TMEM178B: variants seen among roughly 807,000 people sequenced by gnomAD.
The protein encoded by TMEM178B is transmembrane protein 178B.
TMEM178B carries 5 observed loss-of-function variants against 31.0 expected under a neutral mutation model. The ratio of observed to expected loss-of-function variants is 0.16; its 90% CI spans 0.08 to 0.34. TMEM178B has a LOEUF of 0.34. TMEM178B is among the 10% of genes least tolerant of loss of function. The pLI is 1.00. For synonymous variants in TMEM178B, 164 were observed against 164.0 expected, an observed-to-expected ratio of 1.00 and a Z score of 0.00; for missense variants, 275 against 400.3, an observed-to-expected ratio of 0.69 and a Z score of 2.67.
At chr7:141,284,816 A>G (rs896257166) in intron 2 of TMEM178B, among the ~76,000 whole-genome samples, 1 of 152,158 alleles carries the variant, frequency 6.6e-6, no homozygotes, top group Non-Finnish European at 1.5e-5. Context: ...ACTGCTCAGT[A>G]TTATCTCAAG....
intron 2 of TMEM178B, among the ~76,000 whole-genome samples, chr7:141,342,001 G>A (rs1388533194): frequency 3.3e-5 from 5 of 152,210 alleles, no homozygotes; most frequent in African/African-American, 1.2e-4. Context: ...AGGCCGGAGT[G>A]CAGTAGTGTG....
At chr7:141,163,676 G>A (rs958286991) in intron 1 of TMEM178B, among the ~76,000 whole-genome samples, 3 of 151,918 alleles carry the variant, frequency 2.0e-5, no homozygotes, top group African/African-American at 7.3e-5. Context: ...CATCAAGCCT[G>A]GCTAATTTTT....
intron 1 of TMEM178B, among the ~76,000 whole-genome samples, chr7:141,197,983 T>G (rs1178275015): frequency 6.6e-6 from 1 of 152,212 alleles, no homozygotes; most frequent in Non-Finnish European, 1.5e-5. Context: ...AAGAGGAAAA[T>G]AGTCAATCAT....
intron 1 of TMEM178B, among the ~76,000 whole-genome samples, chr7:141,143,410 G>A (rs1310970891): frequency 6.6e-6 from 1 of 152,154 alleles, no homozygotes; most frequent in Admixed American, 6.5e-5. Context: ...GAAAGGTAGT[G>A]GTCCAGTTTT....
intron 1 of TMEM178B, among the ~76,000 whole-genome samples, chr7:141,191,966 A>G (rs1480700502): frequency 6.6e-6 from 1 of 152,168 alleles, no homozygotes. Flanking sequence ...AATTTTTCCA[A>G]ACAAATATTT....
intron 2 of TMEM178B, among the ~76,000 whole-genome samples, chr7:141,427,552 A>G (rs1586952841): frequency 6.6e-6 from 1 of 152,220 alleles, no homozygotes; most frequent in East Asian, 1.9e-4. Context: ...TCAAAAATTA[A>G]CTCAAAATGG....
chr7:141,148,224 G>GC (rs890756233), intron 1 of TMEM178B, among the ~76,000 whole-genome samples: 1 of 152,000 alleles, frequency 6.6e-6, no homozygotes, highest in Admixed American at 6.5e-5. Context: ...TAACCTTCTT[G>GC]CCTCTCTTTT....
intron 2 of TMEM178B, among the ~76,000 whole-genome samples, chr7:141,327,636 A>G (rs1799216545): frequency 6.6e-6 from 1 of 152,174 alleles, no homozygotes. Context: ...CAGAAAGTTT[A>G]TGTGTTGGAA....
At chr7:141,462,201 C>T (rs1802070660) in intron 3 of TMEM178B, among the ~76,000 whole-genome samples, 1 of 152,138 alleles carries the variant, frequency 6.6e-6, no homozygotes, top group Admixed American at 6.5e-5. Context: ...TCCCATGTTC[C>T]AGGCACCATC....
At chr7:141,459,320 G>A (rs1469849525) in intron 3 of TMEM178B, among the ~76,000 whole-genome samples, 4 of 152,232 alleles carry the variant, frequency 2.6e-5, no homozygotes, top group East Asian at 1.9e-4. Context: ...GAGCCACCAC[G>A]CCCGGCCAAT....
intron 2 of TMEM178B, among the ~76,000 whole-genome samples, chr7:141,301,462 A>ATT (rs200314106): frequency 6.6e-6 from 1 of 150,510 alleles, no homozygotes; most frequent in Non-Finnish European, 1.5e-5. Flanking sequence ...ATATTTGTAA[A>ATT]TTTTTTTTTT....
At chr7:141,495,386 C>T in the TMEM178B span, among the ~76,000 whole-genome samples, 1 of 152,178 alleles carries the variant, frequency 6.6e-6, no homozygotes, top group Non-Finnish European at 1.5e-5. Context: ...CCAACAATGC[C>T]TTGCTGGTGT....
At chr7:141,490,349 A>G in the TMEM178B span, among the ~76,000 whole-genome samples, 1 of 152,228 alleles carries the variant, frequency 6.6e-6, no homozygotes, top group Middle Eastern at 3.2e-3. Flanking sequence ...ACTCAGTATG[A>G]ATGGTGTCTG....
chr7:141,499,636 CT>C, the TMEM178B span, among the ~76,000 whole-genome samples: 3 of 151,838 alleles, frequency 2.0e-5, no homozygotes, highest in African/African-American at 7.3e-5. Flanking sequence ...GGGACCCTGT[CT>C]TAAAAAAACC....
intron 3 of TMEM178B, among the ~76,000 whole-genome samples, chr7:141,452,885 G>C (rs1801893345): frequency 6.6e-6 from 1 of 152,160 alleles, no homozygotes; most frequent in Non-Finnish European, 1.5e-5. Context: ...CAGTTATTAA[G>C]AGAATAAAGG....
At chr7:141,401,438 G>A (rs1315148791) in intron 2 of TMEM178B, among the ~76,000 whole-genome samples, 1 of 152,176 alleles carries the variant, frequency 6.6e-6, no homozygotes, top group Non-Finnish European at 1.5e-5. Flanking sequence ...TTTAGAGACA[G>A]GGTCTTGCTC....
intron 2 of TMEM178B, among the ~76,000 whole-genome samples, chr7:141,238,806 C>G (rs1053985228): frequency 2.0e-5 from 3 of 152,170 alleles, no homozygotes; most frequent in African/African-American, 7.2e-5. Context: ...CTGCTGGGTT[C>G]TGTGTGGTTA....
rs149762560 is a variant in TMEM178B, at chr7:141,437,105, G to A, written c.497-503G>A. Reference sequence around the variant, plus strand: ...CTCCTAGTGAGACCAGGAGAGCCTGGCAGGTGCAGCCTGACTACCCAGATC... The same window carrying A: ...CTCCTAGTGAGACCAGGAGAGCCTGACAGGTGCAGCCTGACTACCCAGATC... On this transcript the variant is annotated intron_variant, in intron 2 of 3. Transcript: ENST00000565468. Among the ~76,000 whole-genome samples, 710 of 152,256 alleles carry A rather than the reference G, an allele frequency of 4.7e-3. 4 individuals carry two copies. The highest frequency in any genetic ancestry group is 0.016 in the African/African-American group (650 of 41,528).
intron 1 of TMEM178B, among the ~76,000 whole-genome samples, chr7:141,097,532 C>G (rs1028213799): frequency 6.6e-6 from 1 of 152,064 alleles, no homozygotes; most frequent in Non-Finnish European, 1.5e-5. Flanking sequence ...TCAAGGGTCT[C>G]TTAACCTCAT....
Sources: gnomAD v4.1 joint callset for allele counts (sites outside exome capture counted in the v4.1 genomes callset) on GRCh38, gnomAD v4.1.1 for gene constraint, MANE v1.5 for transcripts, NCBI Gene and HGNC (gene_info 2026-07-23, HGNC 2026-07-21) for gene names.